Variants in PDE4D observed in about 807,000 individuals in gnomAD.
PDE4D encodes the protein 3',5'-cyclic-AMP phosphodiesterase 4D.
In PDE4D, 24 loss-of-function variants were observed where a neutral mutation model predicts 87.4. That is an observed-to-expected ratio of 0.27 (90% CI 0.20 to 0.39). The LOEUF (loss-of-function observed/expected upper bound fraction) is 0.39, where lower values mean the gene tolerates loss of function less well. Among genes scored for constraint, PDE4D ranks in the 10% least tolerant of loss-of-function variants. The probability of loss-of-function intolerance (pLI) is 1.00; values close to 1 mark genes in which losing one functional copy is unlikely to be tolerated. For missense variants in PDE4D, 714 were observed against 1,041.0 expected, an observed-to-expected ratio of 0.69 and a Z score of 4.32; for synonymous variants, 384 against 383.2, an observed-to-expected ratio of 1.00 and a Z score of -0.02.
At position 59,702,992 on chromosome 5, in the gene PDE4D, C is replaced by A. The variant is rs530996810; in HGVS notation, c.455+190176G>T. Among the ~76,000 whole-genome samples the A allele has an allele frequency of 3.3e-5, 5 of 151,728 alleles. No homozygotes were observed. In the South Asian group the frequency reaches 1.0e-3, roughly 32 times the overall value. Reference sequence around the variant, plus strand: ...AGCCAATATGCAAAGGGAACATAATCTCTTACACAGTTTGGAATTACTCAG... The same window carrying A: ...AGCCAATATGCAAAGGGAACATAATATCTTACACAGTTTGGAATTACTCAG... On this transcript the variant is annotated intron_variant, in intron 1 of 14. Transcript: ENST00000340635.
chr5:59,496,216 G>A (rs779879649), intron 1 of PDE4D, among the ~76,000 whole-genome samples: 1 of 152,066 alleles, frequency 6.6e-6, no homozygotes, highest in African/African-American at 2.4e-5. Context: ...GGCCTGCCAG[G>A]TGGCAGCATC....
At chr5:59,420,364 CT>C (rs1158332692) in intron 1 of PDE4D, among the ~76,000 whole-genome samples, 2 of 152,160 alleles carry the variant, frequency 1.3e-5, no homozygotes, top group Non-Finnish European at 2.9e-5. Flanking sequence ...CAGGTTAACA[CT>C]CATCTTCCTA....
chr5:59,641,562 C>T (rs1339998902), intron 1 of PDE4D, among the ~76,000 whole-genome samples: 1 of 152,032 alleles, frequency 6.6e-6, no homozygotes, highest in Non-Finnish European at 1.5e-5. Flanking sequence ...AAAACATTGT[C>T]CAGAAATAAA....
intron 1 of PDE4D, chr5:60,521,782 A>C (rs1423202420): frequency 6.6e-6 from 1 of 152,180 alleles, no homozygotes; most frequent in Admixed American, 6.5e-5. Flanking sequence ...AAAAACCTAA[A>C]GAAAAGGATC....
intron 3 of PDE4D, among the ~76,000 whole-genome samples, chr5:59,944,306 ATTAGGATTGTATCTGGGCATACT>A (rs1271563907): frequency 1.3e-5 from 2 of 149,218 alleles, no homozygotes; most frequent in African/African-American, 2.4e-5. Flanking sequence ...AAAATTTTGC[ATTAGGATTGTATCTGGGCATACT>A]TTAGGATTGT....
intron 2 of PDE4D, among the ~76,000 whole-genome samples, chr5:60,159,867 C>T (rs1782323193): frequency 6.6e-6 from 1 of 152,192 alleles, no homozygotes; most frequent in East Asian, 1.9e-4. Context: ...ATTATAGCTG[C>T]ATATAAATCC....
intron 1 of PDE4D, among the ~76,000 whole-genome samples, chr5:59,381,190 C>G (rs193447): frequency 6.6e-6 from 1 of 152,086 alleles, no homozygotes; most frequent in Non-Finnish European, 1.5e-5. Flanking sequence ...GCTTTGTGGT[C>G]CAGGTACAAA....
At chr5:60,030,775 T>C (rs1365740583) in intron 2 of PDE4D, 1 of 152,178 alleles carries the variant, frequency 6.6e-6, no homozygotes, top group African/African-American at 2.4e-5. Context: ...AATAAATAAA[T>C]GAATTTAAAA....
At chr5:60,148,501 T>A (rs1295701536) in intron 2 of PDE4D, among the ~76,000 whole-genome samples, 1 of 152,144 alleles carries the variant, frequency 6.6e-6, no homozygotes, top group African/African-American at 2.4e-5. Flanking sequence ...AAGCATCCAC[T>A]GGGTTTTGTA....
chr5:59,195,524 C>T (rs531053325), intron 2 of PDE4D, among the ~76,000 whole-genome samples: 6 of 152,268 alleles, frequency 3.9e-5, no homozygotes, highest in South Asian at 4.1e-4. Flanking sequence ...TGGGTGGTAA[C>T]GAGCCAGGCA....
At chr5:59,609,768 A>G (rs1048257997) in intron 1 of PDE4D, among the ~76,000 whole-genome samples, 1 of 152,210 alleles carries the variant, frequency 6.6e-6, no homozygotes, top group African/African-American at 2.4e-5. Flanking sequence ...TACAGAAAAA[A>G]GGAATCTGGT....
At chr5:59,099,014 G>C (rs1770271540) in intron 5 of PDE4D, among the ~76,000 whole-genome samples, 1 of 152,196 alleles carries the variant, frequency 6.6e-6, no homozygotes, top group Non-Finnish European at 1.5e-5. Flanking sequence ...TAGAAAGCCT[G>C]AGAAATGCAA....
rs901498886 is a variant in PDE4D at position 59,380,134 on chromosome 5, A to G, written c.456-164166T>C. 3.3e-5 allele frequency among the ~76,000 whole-genome samples: 5 copies of G among 152,310 alleles called. No homozygotes were observed. In the South Asian group the frequency reaches 6.2e-4, roughly 19 times the overall value. On this transcript the variant is annotated intron_variant, in intron 1 of 14. Transcript: ENST00000340635. ...AACTTTCAAATTAGTTCATAAATCA[A>G]TGTAACAGATGACATCTGTCAATAT...
At chr5:59,378,173 T>C (rs1785055427) in intron 1 of PDE4D, among the ~76,000 whole-genome samples, 1 of 152,138 alleles carries the variant, frequency 6.6e-6, no homozygotes, top group Admixed American at 6.5e-5. Context: ...AGCAAACTAA[T>C]GCAAGAACAG....
At chr5:60,321,700 G>A (rs1756286013) in intron 1 of PDE4D, among the ~76,000 whole-genome samples, 1 of 152,056 alleles carries the variant, frequency 6.6e-6, no homozygotes, top group South Asian at 2.1e-4. Flanking sequence ...AAATTAACAA[G>A]CAAAAAACAG....
intron 1 of PDE4D, among the ~76,000 whole-genome samples, chr5:60,326,053 T>A (rs1380030732): frequency 2.0e-5 from 3 of 151,820 alleles, no homozygotes; most frequent in Non-Finnish European, 4.4e-5. Context: ...ACAGTTTGTT[T>A]AATCATTCAC....
At chr5:60,475,292 A>C (rs2150203764) in intron 1 of PDE4D, among the ~76,000 whole-genome samples, 1 of 152,274 alleles carries the variant, frequency 6.6e-6, no homozygotes, top group South Asian at 2.1e-4. Context: ...GGCCAAGGTT[A>C]TGTTGCCCTA....
At chr5:59,831,854 CAT>C (rs1182555133) in intron 1 of PDE4D, among the ~76,000 whole-genome samples, 1 of 151,996 alleles carries the variant, frequency 6.6e-6, no homozygotes, top group African/African-American at 2.4e-5. Context: ...AACTGCAAAA[CAT>C]ATCAGATAAA....
intron 1 of PDE4D, among the ~76,000 whole-genome samples, chr5:59,845,514 G>C (rs1457289022): frequency 6.6e-6 from 1 of 152,082 alleles, no homozygotes; most frequent in African/African-American, 2.4e-5. Flanking sequence ...CTATTTGTTT[G>C]ATGGCTAAAA....
Sources: allele counts gnomAD v4.1 joint callset (sites outside exome capture counted in the v4.1 genomes callset), GRCh38; gene constraint gnomAD v4.1.1; transcripts MANE v1.5; gene names NCBI Gene and HGNC (gene_info 2026-07-23, HGNC 2026-07-21).